HIBCH: variants seen among roughly 807,000 people sequenced by gnomAD.
HIBCH encodes 3-hydroxyisobutyryl-CoA hydrolase.
A neutral mutation model predicts 58.2 loss-of-function variants in HIBCH; 50 were observed. The ratio of observed to expected loss-of-function variants is 0.86; its 90% CI spans 0.68 to 1.09. The LOEUF (loss-of-function observed/expected upper bound fraction) is 1.09. Among genes scored for constraint, HIBCH ranks in the 50% least tolerant of loss-of-function variants. The pLI is 0.00. For missense variants in HIBCH, 450 were observed against 449.7 expected, an observed-to-expected ratio of 1.00 and a Z score of -0.01; for synonymous variants, 151 against 146.9, an observed-to-expected ratio of 1.03 and a Z score of -0.20.
intron 1 of HIBCH, among the ~76,000 whole-genome samples, chr2:190,196,684 G>A (rs1689994088): frequency 6.6e-6 from 1 of 152,022 alleles, no homozygotes; most frequent in South Asian, 2.1e-4. Flanking sequence ...TGTTAAAGAG[G>A]ATTATTTCTG....
rs1216813586 is a variant in HIBCH at position 190,217,821 on chromosome 2, G to A, written c.892-4746C>T. The stretch of plus-strand genomic sequence containing the variant: ...AACCGGGGTGAGCACATTACACTCG[G>A]GTCAAGAGACTGGTAAAAGAACCCC... On this transcript the variant is annotated intron_variant, in intron 11 of 13. Coordinates refer to ENST00000359678, the MANE Select transcript of HIBCH (RefSeq NM_014362.4). The surrounding 1 kb of genome is among the most constrained non-coding windows in gnomAD (Gnocchi z 4.6). Among the ~76,000 whole-genome samples the A allele has an allele frequency of 6.6e-6, 1 of 152,020 alleles. No homozygotes were observed. Among genetic ancestry groups the A allele is most frequent in the Non-Finnish European group, 1.5e-5 (1 of 68,012 alleles).
At chr2:190,208,726 C>A in intron 13 of HIBCH, 154 bp downstream of exon 13, 31 of 594,866 alleles carry the variant, frequency 5.2e-5, no homozygotes, top group East Asian at 1.2e-4. Context: ...GTCCAATGAA[C>A]ATTTGAGTGT....
chr2:190,268,485 G>A (rs898296309), intron 6 of HIBCH, among the ~76,000 whole-genome samples: 5 of 152,086 alleles, frequency 3.3e-5, no homozygotes, highest in African/African-American at 1.2e-4. Context: ...TTAAGTTTTT[G>A]GCATCCCTAA....
intron 11 of HIBCH, among the ~76,000 whole-genome samples, chr2:190,225,319 A>G (rs1335858990): frequency 3.3e-5 from 5 of 152,236 alleles, no homozygotes; most frequent in Non-Finnish European, 5.9e-5. Flanking sequence ...CAAAATATCA[A>G]TGAATCCAGG....
At chr2:190,199,397 ATAAAT>A (rs1260495072), downstream of HIBCH, among the ~76,000 whole-genome samples, 1 of 144,158 alleles carries the variant, frequency 6.9e-6, no homozygotes, top group African/African-American at 2.9e-5. Flanking sequence ...CTTGGTATAG[ATAAAT>A]CTAAGCTAGC....
At chr2:190,273,979 T>C (rs1037965210) in intron 6 of HIBCH, among the ~76,000 whole-genome samples, 1 of 152,088 alleles carries the variant, frequency 6.6e-6, no homozygotes, top group Non-Finnish European at 1.5e-5. Context: ...CTGGTTAATT[T>C]TTTGGAGACA....
intron 11 of HIBCH, among the ~76,000 whole-genome samples, chr2:190,239,335 G>A (rs944836574): frequency 2.0e-5 from 3 of 152,152 alleles, no homozygotes; most frequent in East Asian, 3.9e-4. Flanking sequence ...ATCTGTTTTG[G>A]TACCACTATA....
intron 11 of HIBCH, among the ~76,000 whole-genome samples, chr2:190,225,800 TGGTAGAGA>T (rs555713303): frequency 0.012 from 1,857 of 152,300 alleles, 19 homozygotes; most frequent in Non-Finnish European, 0.02. Context: ...TACCAAAGCC[TGGTAGAGA>T]CACCACAAAA....
At chr2:190,288,460 T>C (rs1687884315) in intron 5 of HIBCH, among the ~76,000 whole-genome samples, 1 of 149,732 alleles carries the variant, frequency 6.7e-6, no homozygotes, top group African/African-American at 2.5e-5. Flanking sequence ...TGGAGAAACT[T>C]TTGCACATGG....
chr2:190,245,172 T>C (rs568264065), intron 10 of HIBCH: 1 of 540,192 alleles, frequency 1.9e-6, no homozygotes, highest in Admixed American at 3.2e-5. Flanking sequence ...TAAAATAAAA[T>C]CTAAATTTTA....
At chr2:190,273,285 C>T (rs947829616) in intron 6 of HIBCH, among the ~76,000 whole-genome samples, 2 of 151,928 alleles carry the variant, frequency 1.3e-5, no homozygotes, top group Admixed American at 1.3e-4. Flanking sequence ...CCTAGCTACT[C>T]GGGAGGCTGA....
rs545449710 is a variant in HIBCH, at chr2:190,231,803, T to C, written c.891+13084A>G. ...GAAGAAGGAAATATGACATTATGTA[T>C]ACAAATGATGAAAATTCAACCTAAT... On this transcript the variant is annotated intron_variant, in intron 11 of 13. Transcript: ENST00000359678. 2.0e-5 allele frequency among the ~76,000 whole-genome samples: 3 copies of C among 152,124 alleles called. No homozygotes were observed. The East Asian group carries it at 5.8e-4, about 29-fold the overall frequency.
chr2:190,305,013 G>A (rs576454277), intron 2 of HIBCH, among the ~76,000 whole-genome samples: 22 of 152,092 alleles, frequency 1.4e-4, no homozygotes, highest in Non-Finnish European at 2.9e-4. Flanking sequence ...TTATTCCATT[G>A]GCAAAACAAA....
At chr2:190,287,195 GAGATCACAGGTGTGTGCCACCAT>G (rs2105981533) in intron 6 of HIBCH, among the ~76,000 whole-genome samples, 1 of 152,202 alleles carries the variant, frequency 6.6e-6, no homozygotes, top group Non-Finnish European at 1.5e-5. Flanking sequence ...CTGAGTAGCT[GAGATCACAGGTGTGTGCCACCAT>G]GCTCAGCTAA....
intron 9 of HIBCH, among the ~76,000 whole-genome samples, chr2:190,248,454 G>A (rs1686672887): frequency 6.6e-6 from 1 of 152,118 alleles, no homozygotes; most frequent in South Asian, 2.1e-4. Flanking sequence ...CATCAGTACA[G>A]TACTTCATCA....
At chr2:190,194,520 G>A (rs879579665) in intron 1 of HIBCH, among the ~76,000 whole-genome samples, 54 of 127,620 alleles carry the variant, frequency 4.2e-4, no homozygotes, top group Non-Finnish European at 6.6e-4. Context: ...ACACACACAC[G>A]CAGCATCTCC....
rs1690325784 is a variant in HIBCH at position 190,203,959 on chromosome 2, TACAA to T, written c.*1154_*1157del. Reference sequence around the variant, plus strand: ...ATTTATTTTGTTTATAAACAAAAATTACAAACAAAAAATTATAAATTTTGTTTGT... The same window carrying T: ...ATTTATTTTGTTTATAAACAAAAATTACAAAAAATTATAAATTTTGTTTGT... On this transcript the variant is annotated 3_prime_UTR_variant, in exon 14 of 14. Coordinates refer to ENST00000359678, the MANE Select transcript of HIBCH (RefSeq NM_014362.4). 1 of 152,042 alleles carries T rather than the reference TACAA, an allele frequency of 6.6e-6. No individual in the cohort carries two copies. The highest frequency in any genetic ancestry group is 2.4e-5 in the African/African-American group (1 of 41,448). The allele number at this position is 152,042 out of a possible 1,614,324, so 9.4% of individuals were successfully genotyped here. A position where few individuals can be genotyped will look rare whatever the true frequency, so the allele number is the denominator to read the frequency against.
At chr2:190,297,153 A>G (rs1193103467) in intron 2 of HIBCH, among the ~76,000 whole-genome samples, 200 bp from the exon 3 acceptor site, 1 of 152,214 alleles carries the variant, frequency 6.6e-6, no homozygotes, top group Non-Finnish European at 1.5e-5. Context: ...CACACCTCCT[A>G]AATTTTTATT....
At chr2:190,277,616 T>C (rs926422425) in intron 6 of HIBCH, among the ~76,000 whole-genome samples, 3 of 152,122 alleles carry the variant, frequency 2.0e-5, no homozygotes, top group Non-Finnish European at 4.4e-5. Context: ...GCACTTTGAG[T>C]TCCTTCATAA....
Sources: gnomAD v4.1 joint callset for allele counts (sites outside exome capture counted in the v4.1 genomes callset) on GRCh38, gnomAD v4.1.1 for gene constraint, Gnocchi (gnomAD v3.1) non-coding constraint, MANE v1.5 for transcripts, NCBI Gene and HGNC (gene_info 2026-07-23, HGNC 2026-07-21) for gene names.